Variants in LAMB4 observed in about 807,000 individuals in gnomAD.
LAMB4 encodes laminin subunit beta-4.
LAMB4 carries 196 observed loss-of-function variants against 199.2 expected under a neutral mutation model. The ratio of observed to expected loss-of-function variants is 0.98; its 90% CI spans 0.88 to 1.11. The LOEUF (loss-of-function observed/expected upper bound fraction) is 1.11, where lower values mean the gene tolerates loss of function less well. Ranked by LOEUF, LAMB4 falls within the 50% of genes least tolerant of loss-of-function variation. The probability of loss-of-function intolerance (pLI) is 0.00; values close to 1 mark genes in which losing one functional copy is unlikely to be tolerated. For synonymous variants in LAMB4, 744 were observed against 770.6 expected (o/e 0.97, Z 0.57); for missense variants, 2,080 against 2,171.2 (o/e 0.96, Z 0.83).
At chr7:108,114,275 A>T (rs2150678596) in intron 3 of LAMB4, among the ~76,000 whole-genome samples, 1 of 152,182 alleles carries the variant, frequency 6.6e-6, no homozygotes, top group Non-Finnish European at 1.5e-5. Context: ...CCAAAAATTA[A>T]CAGGGCATGG....
chr7:108,097,989 C>T (rs2037676220), intron 11 of LAMB4, among the ~76,000 whole-genome samples: 2 of 152,218 alleles, frequency 1.3e-5, no homozygotes, highest in Middle Eastern at 3.4e-3. Context: ...TTACGGGAAC[C>T]ATTATGTTAC....
At chr7:108,078,133 A>G in intron 16 of LAMB4, 68 bp downstream of exon 16, 3 of 1,045,912 alleles carry the variant, frequency 2.9e-6, no homozygotes, top group Non-Finnish European at 1.5e-6. Context: ...GTTCCCAGAA[A>G]CAAATTACTG....
chr7:108,097,382 TA>T (rs1381518249), intron 11 of LAMB4, among the ~76,000 whole-genome samples: 2 of 152,238 alleles, frequency 1.3e-5, no homozygotes, highest in African/African-American at 4.8e-5. Context: ...GGTGTTTTTC[TA>T]TTTCCGCTCC....
In LAMB4 at chr7:108,068,143, G is replaced by C. The variant is rs1053790580; in HGVS notation, c.2319C>G (p.Pro773=). 3.7e-6 allele frequency: 6 copies of C among 1,613,992 alleles called. No homozygotes were observed. Among genetic ancestry groups the C allele is most frequent in the Non-Finnish European group, 3.4e-6 (4 of 1,180,036 alleles). Residue 773 remains proline, a synonymous_variant, in exon 19 of 34, where the codon CCC becomes CCG. Transcript: ENST00000388781. ...TGCAGCTGGATCCGACTGAGCCCTGGGGGTGACACTTGCAGGCTGCAAGGA... is the reference window on the plus strand; with the variant it reads ...TGCAGCTGGATCCGACTGAGCCCTGCGGGTGACACTTGCAGGCTGCAAGGA... ...HDGAVACKCH[P]QGSVGSSCSR...
intron 17 of LAMB4, among the ~76,000 whole-genome samples, chr7:108,074,423 C>T (rs990955593): frequency 4.6e-5 from 7 of 152,106 alleles, no homozygotes; most frequent in African/African-American, 1.7e-4. Context: ...GGCTGGATTG[C>T]AGTGGTGTGA....
intron 1 of LAMB4, among the ~76,000 whole-genome samples, chr7:108,125,216 C>T (rs965063595): frequency 3.9e-5 from 6 of 152,074 alleles, no homozygotes; most frequent in Non-Finnish European, 7.4e-5. Context: ...ATAGGCCACC[C>T]GAACCTGCAC....
chr7:108,036,276 A>G (rs948872776), intron 30 of LAMB4, among the ~76,000 whole-genome samples: 11 of 148,978 alleles, frequency 7.4e-5, no homozygotes, highest in Non-Finnish European at 1.6e-4. Flanking sequence ...TGCAACCTCC[A>G]CCTCCTCAGT....
At chr7:108,067,440 A>G (rs1024855270) in intron 19 of LAMB4, among the ~76,000 whole-genome samples, 3 of 152,256 alleles carry the variant, frequency 2.0e-5, no homozygotes, top group South Asian at 2.1e-4. Flanking sequence ...AGAACTATAT[A>G]CCTGAACATA....
intron 1 of LAMB4, among the ~76,000 whole-genome samples, chr7:108,128,216 G>A (rs924265299): frequency 6.6e-6 from 1 of 152,076 alleles, no homozygotes; most frequent in African/African-American, 2.4e-5. Flanking sequence ...CTTACATACA[G>A]CCATGGGTCT....
chr7:108,094,077 A>G lies in LAMB4; in HGVS notation c.1470+1151T>C, dbSNP rs114630116. Among the ~76,000 whole-genome samples, 873 of 152,326 alleles carry G rather than the reference A, an allele frequency of 5.7e-3. 11 individuals carry two copies. The highest frequency in any genetic ancestry group is 0.017 in the African/African-American group (710 of 41,578). On this transcript the variant is annotated intron_variant, in intron 12 of 33. Transcript: ENST00000388781. ...TGGATGTGGAGAACCTAGTGGGTGC[A>G]TGGGCTCAGCCACGATGGACAGTTC...
rs202031134 is a variant in LAMB4 at position 108,052,193 on chromosome 7, T to C, written c.3820A>G (p.Thr1274Ala). 22 of 1,612,054 alleles carry C rather than the reference T, an allele frequency of 1.4e-5. No individual in the cohort carries two copies. The highest frequency in any genetic ancestry group is 2.5e-6 in the Non-Finnish European group (3 of 1,179,030). Residue 1274 changes from threonine (T) to alanine (A), a missense_variant, in exon 26 of 34, where the codon ACA (threonine) becomes GCA (alanine). Transcript: ENST00000388781. Reference protein sequence around the residue: ...AVYEFQDLKDTIERAKNEADL... With the variant: ...AVYEFQDLKDAIERAKNEADL... Reference sequence around the variant, plus strand: ...GCTTCATTCTTTGCTCTTTCTATTGTATCTTTCAGATCTTGAAATTCATAC... The same window carrying C: ...GCTTCATTCTTTGCTCTTTCTATTGCATCTTTCAGATCTTGAAATTCATAC...
At chr7:108,038,283 C>T (rs1199410286) in intron 29 of LAMB4, among the ~76,000 whole-genome samples, 1 of 152,106 alleles carries the variant, frequency 6.6e-6, no homozygotes, top group Non-Finnish European at 1.5e-5. Flanking sequence ...CCTCAGCCTC[C>T]TGAGTAGCTG....
chr7:108,078,273 C>A lies in LAMB4; in HGVS notation c.1931G>T (p.Gly644Val). 1 of 1,610,978 alleles carries A rather than the reference C, an allele frequency of 6.2e-7. No individual in the cohort carries two copies. The highest frequency in any genetic ancestry group is 1.3e-5 in the African/African-American group (1 of 75,022). The change falls in exon 16 of 34, where the codon GGA becomes GTA. Residue 644 changes from glycine (G) to valine (V), a missense_variant. Gly to Val is a moderately radical substitution (Grantham distance 109, BLOSUM62 -3). Coordinates refer to ENST00000388781, the MANE Select transcript of LAMB4 (RefSeq NM_007356.3). The part of the protein sequence containing the change: ...WTVQIVVNPP[G>V]GSEHCIPKTL... ...CTTGGGTATGCAGTGCTCACTCCCT[C>A]CAGGGGGGTTCACCACAATCTGGAC...
rs2037711831 is a variant in LAMB4, at chr7:108,098,521, A to G, written c.1242T>C (p.Pro414=). 1 of 1,613,748 alleles carries G rather than the reference A, an allele frequency of 6.2e-7. No individual in the cohort carries two copies. The highest frequency in any genetic ancestry group is 8.5e-7 in the Non-Finnish European group (1 of 1,179,956). Reference sequence around the variant, plus strand: ...ACTGGCCGGCCACAGACCCTAAGGCAGGATCAGAGTGGCTCACACAAATGC... The same window carrying G: ...ACTGGCCGGCCACAGACCCTAAGGCGGGATCAGAGTGGCTCACACAAATGC... The part of the protein sequence containing the change: ...SGGICVSHSD[P]ALGSVAGQCL... The change falls in exon 11 of 34, where the codon CCT becomes CCC. Residue 414 remains proline (P), a synonymous_variant. Coordinates refer to ENST00000388781, the MANE Select transcript of LAMB4 (RefSeq NM_007356.3).
At chr7:108,104,049 A>G (rs2037910899) in intron 9 of LAMB4, among the ~76,000 whole-genome samples, 1 of 152,232 alleles carries the variant, frequency 6.6e-6, no homozygotes, top group Non-Finnish European at 1.5e-5. Context: ...TTTATTTAAA[A>G]CAATACAATG....
Position 108,107,649 on chromosome 7 carries a change from T to C in LAMB4, c.573A>G (p.Glu191=). The C allele has an allele frequency of 6.2e-7, 1 of 1,609,050 alleles. No homozygotes were observed. The highest frequency in any genetic ancestry group is 2.2e-5 in the East Asian group (1 of 44,780). The change falls in exon 6 of 34, where the codon GAA becomes GAG. Residue 191 remains glutamate (E), a synonymous_variant. Transcript: ENST00000388781. ...IVCDSKYSDI[E]PSTGGEVVLK... ...ATGCTACCTCTCCACCTGTTGAGGG[T>C]TCAATATCCGAGTATTTGGAGTCAC...
intron 19 of LAMB4, 54 bp downstream of exon 19, chr7:108,067,962 T>A: frequency 6.2e-7 from 1 of 1,610,536 alleles, no homozygotes; most frequent in Non-Finnish European, 8.5e-7. Flanking sequence ...TTGCCTGCTG[T>A]CAAAATGTCA....
chr7:108,104,638 A>G lies in LAMB4; in HGVS notation c.871-19T>C. ...CGTGAACCTGCATTGTGCAATAAAT[A>G]GAGCGTTGAAAGAGGGCTTGTCCTT... On this transcript the variant is annotated intron_variant, in intron 8 of 33. Transcript: ENST00000388781. 6.2e-7 allele frequency: 1 copy of G among 1,611,244 alleles called. No homozygotes were observed. Among genetic ancestry groups the G allele is most frequent in the Non-Finnish European group, 8.5e-7 (1 of 1,178,512 alleles).
At chr7:108,065,099 G>T (rs546281380) in intron 21 of LAMB4, among the ~76,000 whole-genome samples, 1 of 151,780 alleles carries the variant, frequency 6.6e-6, no homozygotes, top group Non-Finnish European at 1.5e-5. Flanking sequence ...GTGGAGACAG[G>T]GTCTTGCTTT....
Sources: allele counts gnomAD v4.1 joint callset (sites outside exome capture counted in the v4.1 genomes callset), GRCh38; gene constraint gnomAD v4.1.1; transcripts MANE v1.5; gene names NCBI Gene and HGNC (gene_info 2026-07-23, HGNC 2026-07-21).